The following PHACTR4 variants were observed in gnomAD, a reference collection of about 807,000 sequenced individuals.
The protein encoded by PHACTR4 is phosphatase and actin regulator 4, also known as protein phosphatase 1, regulatory subunit 124.
A neutral mutation model predicts 72.7 loss-of-function variants in PHACTR4; 51 were observed. The observed-to-expected ratio is 0.70, with a 90% CI of 0.56 to 0.89. The LOEUF (loss-of-function observed/expected upper bound fraction) is 0.89. PHACTR4 is among the 40% of genes least tolerant of loss of function. PHACTR4 has a pLI of 0.00. For missense variants in PHACTR4, 731 were observed against 861.8 expected, an observed-to-expected ratio of 0.85 and a Z score of 1.90; for synonymous variants, 255 against 302.5, an observed-to-expected ratio of 0.84 and a Z score of 1.63.
intron 1 of PHACTR4, among the ~76,000 whole-genome samples, chr1:28,374,879 G>A (rs1479152970): frequency 1.3e-5 from 2 of 152,202 alleles, no homozygotes; most frequent in African/African-American, 4.8e-5. Context: ...TAGTTTTCTT[G>A]TCTTTAACAT....
intron 2 of PHACTR4, among the ~76,000 whole-genome samples, chr1:28,430,809 T>C (rs1161081786): frequency 1.3e-5 from 2 of 152,188 alleles, no homozygotes; most frequent in Non-Finnish European, 2.9e-5. Flanking sequence ...TAATCCAATT[T>C]GTATTCATAC....
intron 2 of PHACTR4, among the ~76,000 whole-genome samples, chr1:28,455,565 C>T (rs1274022796): frequency 6.6e-6 from 1 of 152,116 alleles, no homozygotes; most frequent in Non-Finnish European, 1.5e-5. Flanking sequence ...TCTCTTTTAA[C>T]CTCCATGAGG....
chr1:28,388,622 C>T (rs568036925), intron 1 of PHACTR4, among the ~76,000 whole-genome samples: 22 of 152,244 alleles, frequency 1.4e-4, no homozygotes, highest in Admixed American at 8.5e-4. Context: ...GAGCCTGAGG[C>T]GGGCAGATCA....
At chr1:28,432,514 C>T (rs772484013) in intron 2 of PHACTR4, among the ~76,000 whole-genome samples, 5 of 151,600 alleles carry the variant, frequency 3.3e-5, no homozygotes, top group Non-Finnish European at 7.4e-5. Context: ...GTGGGTGGCA[C>T]ATGCCTGATG....
At chr1:28,411,651 A>G (rs563663560) in intron 2 of PHACTR4, among the ~76,000 whole-genome samples, 5 of 152,294 alleles carry the variant, frequency 3.3e-5, no homozygotes, top group South Asian at 2.1e-4. Context: ...GTTAGCTAAT[A>G]ATTAAGTAGA....
At chr1:28,380,238 A>G (rs1652056292) in intron 1 of PHACTR4, among the ~76,000 whole-genome samples, 1 of 149,942 alleles carries the variant, frequency 6.7e-6, no homozygotes, top group Non-Finnish European at 1.5e-5. Context: ...TTGTATTTTT[A>G]GTAGAGACGG....
intron 2 of PHACTR4, among the ~76,000 whole-genome samples, chr1:28,409,344 GC>G (rs370599530): frequency 6.6e-5 from 10 of 152,046 alleles, no homozygotes; most frequent in African/African-American, 2.4e-4. Context: ...TTCCCACGTA[GC>G]TAGGACTACA....
chr1:28,370,463 C>G (rs1452145374), intron 1 of PHACTR4, among the ~76,000 whole-genome samples: 1 of 152,184 alleles, frequency 6.6e-6, no homozygotes, highest in Non-Finnish European at 1.5e-5. Flanking sequence ...TCCGGGAAAC[C>G]GGGAAGGCAT....
At chr1:28,452,302 T>A (rs1325560875) in intron 2 of PHACTR4, among the ~76,000 whole-genome samples, 2 of 151,922 alleles carry the variant, frequency 1.3e-5, no homozygotes, top group African/African-American at 4.8e-5. Context: ...GGCCAGGAGT[T>A]CAAGGTCGAC....
rs368700703 is a variant in PHACTR4, at chr1:28,496,744, C to T, written c.*195C>T. 3 of 642,430 alleles carry T rather than the reference C, an allele frequency of 4.7e-6. No homozygotes were observed. The African/African-American group carries it at 5.5e-5, about 12-fold the overall frequency. The allele number at this position is 642,430 out of a possible 1,614,324, so 39.8% of individuals were successfully genotyped here. On this transcript the variant is annotated 3_prime_UTR_variant, in exon 14 of 14. Transcript: ENST00000373839. ...GTGCTGCACCGGGGGCAAAACAACA[C>T]TTTGTCAGTGCTTTTGAACCTTTCA...
In PHACTR4 at chr1:28,460,155, G is replaced by T. The variant is rs148143262; in HGVS notation, c.191-57G>T. ...TACCTGTAGAATTAGAATGCTAAGT[G>T]TAAGGTTGACTTTCAACTGTCACAT... On this transcript the variant is annotated intron_variant, in intron 3 of 13. Transcript: ENST00000373839. 269 of 1,191,318 alleles carry T rather than the reference G, an allele frequency of 2.3e-4. 1 individual carries two copies. In the East Asian group the frequency reaches 6.3e-3, roughly 28 times the overall value. 73.8% of individuals were successfully genotyped at this position (1,191,318 alleles called of 1,614,324 possible).
At position 28,409,586 on chromosome 1, in the gene PHACTR4, C is replaced by T. The variant is rs548838383; in HGVS notation, c.16+2123C>T. On this transcript the variant is annotated intron_variant, in intron 2 of 13. Transcript: ENST00000373839. The stretch of plus-strand genomic sequence containing the variant: ...AGGAAGCATCCGATTCAAGCATTTT[C>T]TGATCCTTCATCACACGGAAAGAAG... 4.6e-5 allele frequency among the ~76,000 whole-genome samples: 7 copies of T among 152,284 alleles called. No homozygotes were observed. The South Asian group carries it at 1.0e-3, about 23-fold the overall frequency.
chr1:28,474,688 A>G (rs892614515), intron 7 of PHACTR4, among the ~76,000 whole-genome samples: 5 of 149,980 alleles, frequency 3.3e-5, no homozygotes, highest in African/African-American at 1.2e-4. Context: ...GACTACAGGC[A>G]TGTGCCACCA....
intron 2 of PHACTR4, among the ~76,000 whole-genome samples, chr1:28,423,129 A>G (rs1482579610): frequency 6.7e-6 from 1 of 148,204 alleles, no homozygotes; most frequent in Admixed American, 6.7e-5. Flanking sequence ...GAGTATAGAT[A>G]GGGCTGGGCA....
At chr1:28,480,948 C>T (rs1307815016) in intron 9 of PHACTR4, among the ~76,000 whole-genome samples, 5 of 152,082 alleles carry the variant, frequency 3.3e-5, no homozygotes, top group Non-Finnish European at 5.9e-5. Context: ...TTGGCCTCCA[C>T]AAGTGCTGGG....
intron 2 of PHACTR4, among the ~76,000 whole-genome samples, chr1:28,443,956 G>A (rs577230144): frequency 6.6e-6 from 1 of 152,006 alleles, no homozygotes; most frequent in South Asian, 2.1e-4. Context: ...TGGTATTGCT[G>A]GATCATATGG....
chr1:28,453,787 T>C (rs1043134849), intron 2 of PHACTR4: 9 of 914,146 alleles, frequency 9.8e-6, no homozygotes, highest in Non-Finnish European at 1.6e-5. Flanking sequence ...GTTATCCACA[T>C]TGGTGCGTCC....
intron 2 of PHACTR4, among the ~76,000 whole-genome samples, chr1:28,442,441 C>T (rs983160133): frequency 4.8e-5 from 7 of 147,078 alleles, no homozygotes; most frequent in African/African-American, 1.8e-4. Flanking sequence ...TCCAGCCTGG[C>T]GACAGAGTGA....
intron 1 of PHACTR4, among the ~76,000 whole-genome samples, chr1:28,375,709 A>T (rs1490607299): frequency 6.6e-6 from 1 of 152,082 alleles, no homozygotes; most frequent in African/African-American, 2.4e-5. Flanking sequence ...AAATAAGTAA[A>T]ATAGGAAAGA....
Sources: gnomAD v4.1 joint callset for allele counts (sites outside exome capture counted in the v4.1 genomes callset) on GRCh38, gnomAD v4.1.1 for gene constraint, MANE v1.5 for transcripts, NCBI Gene and HGNC (gene_info 2026-07-23, HGNC 2026-07-21) for gene names.